TNFSF11: variants seen among roughly 807,000 people sequenced by gnomAD.
The protein encoded by TNFSF11 is TNF superfamily member 11, also known as tumor necrosis factor ligand superfamily member 11.
TNFSF11 carries 12 observed loss-of-function variants against 32.2 expected under a neutral mutation model. That is an observed-to-expected ratio of 0.37 (90% CI 0.24 to 0.60). The LOEUF is 0.60. Ranked by LOEUF, TNFSF11 falls within the 20% of genes least tolerant of loss-of-function variation. TNFSF11 has a pLI of 0.66. For missense variants in TNFSF11, 345 were observed against 398.0 expected (o/e 0.87, Z 1.13); for synonymous variants, 172 against 152.1 (o/e 1.13, Z -0.96).
chr13:42,601,291 C>T (rs1242890480), intron 4 of TNFSF11, among the ~76,000 whole-genome samples: 2 of 152,204 alleles, frequency 1.3e-5, no homozygotes, highest in African/African-American at 2.4e-5. Flanking sequence ...TGTACTTTCC[C>T]AAGCTAAAGT....
chr13:42,578,646 T>C (rs1028788024), intron 1 of TNFSF11, among the ~76,000 whole-genome samples: 1 of 152,138 alleles, frequency 6.6e-6, no homozygotes, highest in Non-Finnish European at 1.5e-5. Context: ...ACAGTGGTTC[T>C]CAACTGCACA....
intron 2 of TNFSF11, among the ~76,000 whole-genome samples, chr13:42,599,349 C>CTATTATCT (rs11385072): frequency 1.6e-4 from 18 of 112,246 alleles, no homozygotes; most frequent in African/African-American, 5.7e-4. Flanking sequence ...ATCTATCTAT[C>CTATTATCT]ATCTATCTAT....
intron 2 of TNFSF11, among the ~76,000 whole-genome samples, chr13:42,595,218 G>A (rs748069077): frequency 1.3e-4 from 20 of 152,302 alleles, no homozygotes; most frequent in Admixed American, 3.3e-4. Context: ...AATGGGCAGA[G>A]ATTTCTTTGG....
At chr13:42,580,441 C>A (rs747358906) in intron 1 of TNFSF11, among the ~76,000 whole-genome samples, 5 of 152,112 alleles carry the variant, frequency 3.3e-5, no homozygotes, top group African/African-American at 4.8e-5. Context: ...GCCTCCCCAC[C>A]CTAACGTGAT....
chr13:42,578,892 G>A (rs1415839186), intron 1 of TNFSF11, among the ~76,000 whole-genome samples: 3 of 152,168 alleles, frequency 2.0e-5, no homozygotes, highest in Non-Finnish European at 4.4e-5. Flanking sequence ...TTTAAAATTG[G>A]TGTCAGGGAA....
chr13:42,580,253 G>A (rs1203436593), intron 1 of TNFSF11, among the ~76,000 whole-genome samples: 1 of 152,190 alleles, frequency 6.6e-6, no homozygotes, highest in Non-Finnish European at 1.5e-5. Context: ...ACAAAGGCTT[G>A]GAAGGAGCAG....
At chr13:42,578,456 C>T (rs1873428234) in intron 1 of TNFSF11, among the ~76,000 whole-genome samples, 1 of 152,118 alleles carries the variant, frequency 6.6e-6, no homozygotes, top group South Asian at 2.1e-4. Flanking sequence ...GCTGCAAGGG[C>T]ATTGGAATGA....
intron 1 of TNFSF11, 123 bp downstream of exon 1, chr13:42,574,645 T>A: frequency 8.1e-7 from 1 of 1,233,700 alleles, no homozygotes; most frequent in Non-Finnish European, 1.1e-6. Context: ...GAAGGGAAAG[T>A]GACTCCAGAA....
intron 4 of TNFSF11, among the ~76,000 whole-genome samples, chr13:42,601,898 C>T (rs988771829): frequency 6.6e-6 from 1 of 152,188 alleles, no homozygotes; most frequent in African/African-American, 2.4e-5. Flanking sequence ...CTGAATGATA[C>T]ATAGGTTGTC....
chr13:42,581,137 T>C lies in TNFSF11; in HGVS notation c.231T>C (p.Asn77=). 6.2e-7 allele frequency: 1 copy of C among 1,614,042 alleles called. No individual in the cohort carries two copies. Among genetic ancestry groups the C allele is most frequent in the South Asian group, 1.1e-5 (1 of 91,076 alleles). ...FFYFRAQMDP[N]RISEDGTHCI... ...TTTCTCCTCCTCAGATGGATCCTAA[T>C]AGAATATCAGAAGATGGCACTCACT... Residue 77 remains asparagine, a synonymous_variant, in exon 2 of 5, where the codon AAT becomes AAC. Transcript: ENST00000398795.
chr13:42,601,782 A>G (rs76978310), intron 4 of TNFSF11, among the ~76,000 whole-genome samples: 1,764 of 151,892 alleles, frequency 0.012, 32 homozygotes, highest in African/African-American at 0.039. Context: ...TACCCGATGA[A>G]CTCTTCCACC....
intron 2 of TNFSF11, among the ~76,000 whole-genome samples, chr13:42,585,559 C>T (rs1873851711): frequency 6.6e-6 from 1 of 152,144 alleles, no homozygotes; most frequent in Non-Finnish European, 1.5e-5. Flanking sequence ...TCTATCATAA[C>T]AGTCTATGAC....
intron 4 of TNFSF11, among the ~76,000 whole-genome samples, chr13:42,604,839 C>T (rs904120567): frequency 2.6e-5 from 4 of 151,978 alleles, no homozygotes; most frequent in Admixed American, 6.5e-5. Flanking sequence ...GCTGGAGTGC[C>T]GTAGCGCGAT....
At chr13:42,564,427 C>T (rs750865438) in intron 1 of TNFSF11, among the ~76,000 whole-genome samples, 4 of 152,042 alleles carry the variant, frequency 2.6e-5, no homozygotes, top group Non-Finnish European at 5.9e-5. Context: ...ATTAGCCGGG[C>T]GTGGTGGCAC....
At chr13:42,601,093 TCAAAGC>T (rs764906142) in intron 4 of TNFSF11, 112 bp downstream of exon 4, 47 of 1,185,054 alleles carry the variant, frequency 4.0e-5, no homozygotes, top group Non-Finnish European at 5.8e-5. Context: ...AGCCCTTACT[TCAAAGC>T]CAAAGGAAAG....
At chr13:42,593,439 A>G (rs1868615933) in intron 2 of TNFSF11, among the ~76,000 whole-genome samples, 1 of 152,172 alleles carries the variant, frequency 6.6e-6, no homozygotes, top group Non-Finnish European at 1.5e-5. Context: ...GGCAGGAGAC[A>G]GGAAGAGGAG....
intron 1 of TNFSF11, among the ~76,000 whole-genome samples, chr13:42,566,131 A>G (rs1872860607): frequency 1.3e-5 from 2 of 152,346 alleles, no homozygotes; most frequent in Admixed American, 1.3e-4. Context: ...GAAGTCTGAA[A>G]ACAGAATTAA....
chr13:42,602,336 G>T (rs1350783261), intron 4 of TNFSF11, among the ~76,000 whole-genome samples: 1 of 152,126 alleles, frequency 6.6e-6, no homozygotes, highest in African/African-American at 2.4e-5. Flanking sequence ...AGTGTGATTT[G>T]TTATTTTTGA....
chr13:42,565,190 C>G (rs1594453401), intron 1 of TNFSF11, among the ~76,000 whole-genome samples: 1 of 150,658 alleles, frequency 6.6e-6, no homozygotes, highest in African/African-American at 2.4e-5. Context: ...TTTTCATTAT[C>G]AGCTCATCGA....
Sources: gnomAD v4.1 joint callset for allele counts (sites outside exome capture counted in the v4.1 genomes callset) on GRCh38, gnomAD v4.1.1 for gene constraint, MANE v1.5 for transcripts, NCBI Gene and HGNC (gene_info 2026-07-23, HGNC 2026-07-21) for gene names.